The following ESRRG variants were observed in gnomAD, a reference collection of about 807,000 sequenced individuals.
ESRRG encodes the protein estrogen related receptor gamma.
ESRRG carries 13 observed loss-of-function variants against 44.0 expected under a neutral mutation model. That is an observed-to-expected ratio of 0.30 (90% CI 0.19 to 0.47). The LOEUF (loss-of-function observed/expected upper bound fraction) is 0.47, where lower values mean the gene tolerates loss of function less well. ESRRG is among the 20% of genes least tolerant of loss of function. The pLI, the probability that ESRRG is intolerant of heterozygous loss-of-function variation, is 1.00. For synonymous variants in ESRRG, 215 were observed against 214.6 expected, an observed-to-expected ratio of 1.00 and a Z score of -0.02; for missense variants, 395 against 580.6, an observed-to-expected ratio of 0.68 and a Z score of 3.29.
At chr1:216,762,080 T>C (rs2092808771) in intron 2 of ESRRG, among the ~76,000 whole-genome samples, 1 of 152,110 alleles carries the variant, frequency 6.6e-6, no homozygotes, top group African/African-American at 2.4e-5. Flanking sequence ...AATGCCCTTT[T>C]TTCCTTCAAA....
chr1:216,846,093 A>C (rs1559849449), intron 2 of ESRRG, among the ~76,000 whole-genome samples: 1 of 152,144 alleles, frequency 6.6e-6, no homozygotes. Context: ...AAAGAACAAA[A>C]TTTAACCTAT....
chr1:216,600,126 G>A (rs1214693756), intron 3 of ESRRG, among the ~76,000 whole-genome samples: 1 of 152,184 alleles, frequency 6.6e-6, no homozygotes, highest in African/African-American at 2.4e-5. Context: ...ACTAATTAGG[G>A]AGAAACTTCT....
chr1:216,653,188 G>C (rs1001962646), intron 2 of ESRRG, among the ~76,000 whole-genome samples: 3 of 152,046 alleles, frequency 2.0e-5, no homozygotes, highest in Non-Finnish European at 4.4e-5. Flanking sequence ...TTTGAAAACT[G>C]TATCCCCATC....
chr1:216,981,206 C>A (rs1447136307), intron 1 of ESRRG, among the ~76,000 whole-genome samples: 8 of 152,152 alleles, frequency 5.3e-5, no homozygotes. Flanking sequence ...TCTATCATAA[C>A]CACAATACTC....
intron 1 of ESRRG, among the ~76,000 whole-genome samples, chr1:216,677,851 C>G (rs931680477): frequency 2.6e-5 from 4 of 152,202 alleles, no homozygotes; most frequent in African/African-American, 9.7e-5. Context: ...CAATATCTAA[C>G]TCAACTCTAG....
At chr1:217,037,536 C>T (rs148810887) in intron 1 of ESRRG, among the ~76,000 whole-genome samples, 307 of 152,238 alleles carry the variant, frequency 2.0e-3, no homozygotes, top group African/African-American at 6.9e-3. Context: ...CCTACTGAGT[C>T]CCTCTCACAT....
At chr1:216,990,128 G>C (rs960335948) in intron 1 of ESRRG, among the ~76,000 whole-genome samples, 1 of 152,106 alleles carries the variant, frequency 6.6e-6, no homozygotes, top group Non-Finnish European at 1.5e-5. Context: ...GTCCAATATG[G>C]TTCTACTCTT....
intron 2 of ESRRG, among the ~76,000 whole-genome samples, chr1:216,919,021 C>T (rs1055115619): frequency 1.6e-4 from 25 of 151,860 alleles, no homozygotes; most frequent in Admixed American, 1.6e-3. Context: ...AATGATAATA[C>T]TTAATATCTG....
chr1:216,838,534 A>G (rs1314612775), intron 2 of ESRRG, among the ~76,000 whole-genome samples: 1 of 152,162 alleles, frequency 6.6e-6, no homozygotes, highest in Non-Finnish European at 1.5e-5. Flanking sequence ...ACGAAAAACA[A>G]CTGGCCTAGA....
At chr1:216,679,758 CT>C (rs1299089574) in intron 1 of ESRRG, among the ~76,000 whole-genome samples, 1 of 148,784 alleles carries the variant, frequency 6.7e-6, no homozygotes, top group African/African-American at 2.5e-5. Context: ...CCCCAATTTT[CT>C]TTTTTTCAGG....
intron 2 of ESRRG, among the ~76,000 whole-genome samples, chr1:216,857,577 C>A (rs2095971426): frequency 6.6e-6 from 1 of 151,738 alleles, no homozygotes; most frequent in South Asian, 2.1e-4. Flanking sequence ...AAAATGCACA[C>A]AATATAAAAG....
intron 5 of ESRRG, among the ~76,000 whole-genome samples, chr1:216,562,035 A>G (rs763221430): frequency 1.9e-4 from 29 of 152,208 alleles, no homozygotes; most frequent in Non-Finnish European, 2.1e-4. Context: ...GTAAGCTGAC[A>G]TTTCTACTTG....
intron 1 of ESRRG, among the ~76,000 whole-genome samples, chr1:216,686,943 C>T (rs77226613): frequency 0.015 from 2,223 of 152,132 alleles, 29 homozygotes; most frequent in Non-Finnish European, 0.017. Context: ...ACTATTGCAC[C>T]GAGGAGCACT....
chr1:216,702,608 C>CAAAAAAAAAAAA (rs61361041), intron 1 of ESRRG, among the ~76,000 whole-genome samples: 6 of 132,248 alleles, frequency 4.5e-5, no homozygotes, highest in African/African-American at 1.4e-4. Context: ...ACTAAAAATA[C>CAAAAAAAAAAAA]AAAAAAAAAA....
chr1:216,566,925 T>C (rs561010929), intron 4 of ESRRG, among the ~76,000 whole-genome samples: 2 of 152,318 alleles, frequency 1.3e-5, no homozygotes, highest in South Asian at 4.1e-4. Flanking sequence ...TGTCCTTTCA[T>C]TTACAGTTCA....
intron 2 of ESRRG, among the ~76,000 whole-genome samples, chr1:216,883,729 C>A (rs2096481768): frequency 6.6e-6 from 1 of 152,130 alleles, no homozygotes; most frequent in Non-Finnish European, 1.5e-5. Context: ...AATGGTAGCA[C>A]CACAAAGATT....
At chr1:217,074,401 T>G (rs1432358238) in intron 1 of ESRRG, among the ~76,000 whole-genome samples, 1 of 140,944 alleles carries the variant, frequency 7.1e-6, no homozygotes, top group Non-Finnish European at 1.5e-5. Context: ...GAATTACACA[T>G]AAAATGTGCA....
At chr1:217,029,824 A>G (rs185736394) in intron 1 of ESRRG, among the ~76,000 whole-genome samples, 2 of 152,208 alleles carry the variant, frequency 1.3e-5, no homozygotes, top group Admixed American at 1.3e-4. Flanking sequence ...GGTCCAAAAA[A>G]TAAAAACGCA....
At chr1:216,930,475 C>T (rs774869628) in intron 2 of ESRRG, among the ~76,000 whole-genome samples, 4 of 152,258 alleles carry the variant, frequency 2.6e-5, no homozygotes, top group African/African-American at 9.6e-5. Flanking sequence ...ATTCTGTGGG[C>T]GTCCTCTCTG....
Sources: allele counts gnomAD v4.1 joint callset (sites outside exome capture counted in the v4.1 genomes callset), GRCh38; gene constraint gnomAD v4.1.1; transcripts MANE v1.5; gene names NCBI Gene and HGNC (gene_info 2026-07-23, HGNC 2026-07-21).